The following ATF7IP variants were observed in gnomAD, a reference collection of about 807,000 sequenced individuals.
The protein encoded by ATF7IP is activating transcription factor 7-interacting protein 1.
Under a neutral mutation model 106.4 loss-of-function variants are expected in ATF7IP, and 23 were observed. The observed-to-expected ratio is 0.22, with a 90% confidence interval of 0.16 to 0.31. The LOEUF (loss-of-function observed/expected upper bound fraction) is 0.31. Ranked by LOEUF, ATF7IP falls within the 10% of genes least tolerant of loss-of-function variation. The pLI is 1.00. For missense variants in ATF7IP, 1,334 were observed against 1,524.3 expected (o/e 0.88, Z 2.08); for synonymous variants, 542 against 539.0 (o/e 1.01, Z -0.08).
intron 11 of ATF7IP, 165 bp downstream of exon 11, chr12:14,476,133 G>A: frequency 1.7e-6 from 1 of 583,862 alleles, no homozygotes; most frequent in Non-Finnish European, 3.0e-6. Context: ...ATTTGGCCAG[G>A]TGCAGTGTCT....
chr12:14,450,055 A>T (rs78561339), intron 6 of ATF7IP, among the ~76,000 whole-genome samples: 17 of 152,256 alleles, frequency 1.1e-4, no homozygotes, highest in African/African-American at 3.6e-4. Flanking sequence ...TGCTGAGTTT[A>T]CATATGTTTG....
chr12:14,450,567 AT>A (rs1943165717), intron 6 of ATF7IP, among the ~76,000 whole-genome samples: 1 of 151,742 alleles, frequency 6.6e-6, no homozygotes, highest in South Asian at 2.1e-4. Flanking sequence ...GTTTGCTAAT[AT>A]TTTCTTGAGG....
At chr12:14,484,137 C>CTCAG (rs758640306) in intron 13 of ATF7IP, among the ~76,000 whole-genome samples, 137 of 152,270 alleles carry the variant, frequency 9.0e-4, no homozygotes, top group Non-Finnish European at 1.7e-3. Flanking sequence ...GTATCGAGGG[C>CTCAG]TCAGTGTTGG....
At chr12:14,438,403 T>C (rs1445216932) in intron 5 of ATF7IP, 136 bp downstream of exon 5, 4 of 826,508 alleles carry the variant, frequency 4.8e-6, no homozygotes, top group Non-Finnish European at 7.3e-6. Flanking sequence ...TTGTTTAGTT[T>C]GCCAGGGCTG....
At chr12:14,478,593 A>C in intron 12 of ATF7IP, 121 bp downstream of exon 12, 1 of 1,132,334 alleles carries the variant, frequency 8.8e-7, no homozygotes, top group Non-Finnish European at 1.3e-6. Context: ...TGAGGACTAC[A>C]GTGCATGTCC....
intron 13 of ATF7IP, among the ~76,000 whole-genome samples, chr12:14,487,483 C>G (rs1243181617): frequency 6.6e-6 from 1 of 152,166 alleles, no homozygotes; most frequent in Non-Finnish European, 1.5e-5. Context: ...TCACTGTTGC[C>G]TCACATATCA....
In ATF7IP at chr12:14,424,391, C is replaced by T. The variant is rs1315262244; in HGVS notation, c.476C>T (p.Pro159Leu). 4 of 1,613,032 alleles carry T rather than the reference C, an allele frequency of 2.5e-6. No homozygotes were observed. The highest frequency in any genetic ancestry group is 3.4e-6 in the Non-Finnish European group (4 of 1,179,624). The change falls in exon 2 of 15, where the codon CCC (proline) becomes CTC (leucine). Residue 159 changes from proline (P) to leucine (L), a missense_variant. Transcript: ENST00000261168. ...TCTGGTGATTCCACCTCTGGTGATC[C>T]CACCTCTAGCGAGCCCTCCTCTAGT... ...LASGDSTSGD[P>L]TSSEPSSSDA...
chr12:14,411,991 TC>T (rs1185903895), intron 1 of ATF7IP, among the ~76,000 whole-genome samples: 2 of 152,182 alleles, frequency 1.3e-5, no homozygotes, highest in African/African-American at 4.8e-5. Context: ...CCAACTTCAT[TC>T]TTTTGCATGT....
intron 6 of ATF7IP, among the ~76,000 whole-genome samples, chr12:14,448,744 G>T (rs879455638): frequency 1.6e-4 from 25 of 152,234 alleles, no homozygotes; most frequent in Non-Finnish European, 3.4e-4. Context: ...TCTTCATAGA[G>T]GCTGCACCAT....
At chr12:14,408,942 C>T (rs1940759083) in intron 1 of ATF7IP, among the ~76,000 whole-genome samples, 1 of 152,018 alleles carries the variant, frequency 6.6e-6, no homozygotes, top group Non-Finnish European at 1.5e-5. Flanking sequence ...CTCAACACTA[C>T]GTAGTTCACT....
chr12:14,466,165 T>A (rs117669766), intron 9 of ATF7IP: 3,432 of 167,062 alleles, frequency 0.021, 36 homozygotes, highest in Middle Eastern at 0.033. Context: ...ATTTTTGACA[T>A]ACTAAATTTT....
intron 8 of ATF7IP, 21 bp downstream of exon 8, chr12:14,457,316 C>T (rs771059687): frequency 6.7e-7 from 1 of 1,502,496 alleles, no homozygotes; most frequent in Non-Finnish European, 9.1e-7. Flanking sequence ...TTTTAAATAC[C>T]AAAATACATT....
chr12:14,494,979 A>G (rs1944968286), intron 13 of ATF7IP, among the ~76,000 whole-genome samples: 1 of 150,950 alleles, frequency 6.6e-6, no homozygotes, highest in African/African-American at 2.4e-5. Flanking sequence ...GCTGTCTGCA[A>G]GCTGAGGAGC....
At chr12:14,496,205 C>A in intron 13 of ATF7IP, 26 bp from the exon 14 acceptor site, 1 of 1,366,654 alleles carries the variant, frequency 7.3e-7, no homozygotes, top group South Asian at 1.2e-5. Flanking sequence ...ATCATTTTAT[C>A]CTGTAATTTT....
chr12:14,466,218 A>G (rs1943827732), intron 9 of ATF7IP: 1 of 221,014 alleles, frequency 4.5e-6, no homozygotes. Context: ...TATTTTGTTT[A>G]ACTATTTCCT....
chr12:14,439,945 A>G (rs114740624), intron 5 of ATF7IP, among the ~76,000 whole-genome samples: 2,569 of 152,236 alleles, frequency 0.017, 73 homozygotes, highest in African/African-American at 0.059. Context: ...AGATTTCTTA[A>G]CATTTAAATT....
At chr12:14,494,333 A>ATATATGTGTGTGTGTG (rs1234871100) in intron 13 of ATF7IP, among the ~76,000 whole-genome samples, 3 of 86,014 alleles carry the variant, frequency 3.5e-5, no homozygotes, top group African/African-American at 4.5e-5. Context: ...ATATATATAT[A>ATATATGTGTGTGTGTG]TGTGTGTGTG....
intron 2 of ATF7IP, among the ~76,000 whole-genome samples, chr12:14,429,755 T>G (rs1942031137): frequency 6.6e-6 from 1 of 152,214 alleles, no homozygotes; most frequent in Non-Finnish European, 1.5e-5. Flanking sequence ...CTCAATCCAT[T>G]TATATTTAGC....
intron 1 of ATF7IP, among the ~76,000 whole-genome samples, chr12:14,366,590 T>C (rs928990999): frequency 1.3e-5 from 2 of 152,210 alleles, no homozygotes; most frequent in Non-Finnish European, 1.5e-5. Context: ...AAGTTTTAAT[T>C]TTAATCAGTT....
Sources: allele counts gnomAD v4.1 joint callset (sites outside exome capture counted in the v4.1 genomes callset), GRCh38; gene constraint gnomAD v4.1.1; transcripts MANE v1.5; gene names NCBI Gene and HGNC (gene_info 2026-07-23, HGNC 2026-07-21).